Variants in IDS observed in about 807,000 individuals in gnomAD.
The protein encoded by IDS is iduronate 2-sulfatase, also known as alpha-L-iduronate sulfate sulfatase.
In IDS, 1 loss-of-function variant was observed where a neutral mutation model predicts 33.5. That is an observed-to-expected ratio of 0.03 (90% CI 0.01 to 0.14). IDS has a LOEUF of 0.14. Ranked by LOEUF, IDS falls within the 10% of genes least tolerant of loss-of-function variation. IDS has a pLI of 1.00. For missense variants in IDS, 328 were observed against 448.0 expected, an observed-to-expected ratio of 0.73 and a Z score of 2.42; for synonymous variants, 191 against 184.4, an observed-to-expected ratio of 1.04 and a Z score of -0.29.
intron 6 of IDS, chrX:149,491,719 C>A: frequency 1.1e-6 from 1 of 915,804 alleles, no homozygotes; most frequent in African/African-American, 2.0e-5. Flanking sequence ...CAAAGGTATT[C>A]CCTCCTTCCT....
rs1199907455 is a variant in IDS, at chrX:149,479,401, T to C, written c.*3345A>G. On this transcript the variant is annotated 3_prime_UTR_variant, in exon 9 of 9. Coordinates refer to ENST00000340855, the MANE Select transcript of IDS (RefSeq NM_000202.8). ...GTTTTATGTTTTTTATTTGTATGCA[T>C]GTTTACTTTATGTTTCAGTTTACTA... The C allele has an allele frequency of 1.8e-5, 2 of 112,851 alleles. No homozygotes were observed. The highest frequency in any genetic ancestry group is 6.4e-5 in the African/African-American group (2 of 31,056). 9.3% of individuals were successfully genotyped at this position (112,851 alleles called of 1,213,427 possible).
intron 3 of IDS, among the ~76,000 whole-genome samples, chrX:149,501,359 C>T (rs1348017403): frequency 8.9e-6 from 1 of 111,774 alleles, no homozygotes; most frequent in South Asian, 3.7e-4. Flanking sequence ...GGCATCAGCA[C>T]CATCAGGGAG....
Position 149,505,132 on chromosome X carries a change from C to A in IDS, c.6G>T (p.Pro2=). Residue 2 remains proline, a synonymous_variant, in exon 1 of 9, where the codon CCG becomes CCT. Coordinates refer to ENST00000340855, the MANE Select transcript of IDS (RefSeq NM_000202.8). The stretch of plus-strand genomic sequence containing the variant: ...GAAGGCCTCGGCCGGTCCGGGGTGG[C>A]GGCATTTCGGCTTCGACGCGGCCGC... M[P]PPRTGRGLLW... is the part of the protein sequence containing the mutation. The A allele has an allele frequency of 8.4e-7, 1 of 1,188,140 alleles. No homozygotes were observed. The highest frequency in any genetic ancestry group is 1.1e-6 in the Non-Finnish European group (1 of 877,403).
At position 149,487,291 on chromosome X, in the gene IDS, G is replaced by A. The variant is rs149035048; in HGVS notation, c.1007-193C>T. ...CTGAATGCTGCTTTATTCAAAATCA[G>A]GTATTTGTCCTCATGAGGAAACCTT... On this transcript the variant is annotated intron_variant, in intron 7 of 8. Coordinates refer to ENST00000340855, the MANE Select transcript of IDS (RefSeq NM_000202.8). The A allele has an allele frequency of 5.8e-6, 7 of 1,202,507 alleles. No homozygotes were observed. In the Admixed American group the frequency reaches 6.5e-5, roughly 11 times the overall value.
intron 8 of IDS, among the ~76,000 whole-genome samples, chrX:149,484,845 T>C (rs1557337883): frequency 8.9e-6 from 1 of 111,976 alleles, no homozygotes; most frequent in African/African-American, 3.3e-5. Context: ...TTAAGTAAAA[T>C]AAAAAGAAAA....
At chrX:149,493,735 A>G (rs2089412742) in intron 6 of IDS, among the ~76,000 whole-genome samples, 1 of 111,278 alleles carries the variant, frequency 9.0e-6, no homozygotes, top group Admixed American at 9.5e-5. Context: ...TTATTAATAG[A>G]GCCCATTCAG....
In IDS at chrX:149,482,309, A is replaced by G; in HGVS notation, c.*437T>C. ...GATATATTATTAAATTATAAACAAA[A>G]TAATCAGGAACTTAGTGTGGTGCCT... On this transcript the variant is annotated 3_prime_UTR_variant, in exon 9 of 9. Transcript: ENST00000340855. 1 of 130,770 alleles carries G rather than the reference A, an allele frequency of 7.6e-6. No homozygotes were observed. Among genetic ancestry groups the G allele is most frequent in the Non-Finnish European group, 1.6e-5 (1 of 64,294 alleles). 10.8% of individuals were successfully genotyped at this position (130,770 alleles called of 1,213,427 possible).
rs2089340852 is a variant in IDS, at chrX:149,486,934, T to C, written c.1171A>G (p.Met391Val). The C allele has an allele frequency of 2.5e-6, 3 of 1,211,498 alleles. No homozygotes were observed. In the East Asian group the frequency reaches 8.9e-5, roughly 36 times the overall value. Reference protein sequence around the residue: ...LDPFDSASQLMEPGRQSMDLV... With the variant: ...LDPFDSASQLVEPGRQSMDLV... ...TCAGCATATTTTATACCTGGCTCCA[T>C]CAACTGTGAGGCGGAATCAAAAGGG... The change falls in exon 8 of 9, where the codon ATG (methionine) becomes GTG (valine). Residue 391 changes from methionine to valine, a missense_variant. By Grantham distance (21) the Met-to-Val change is conservative. Transcript: ENST00000340855.
At chrX:149,502,162 T>C (rs1557340074) in intron 3 of IDS, 1 of 330,399 alleles carries the variant, frequency 3.0e-6, no homozygotes, top group Admixed American at 3.1e-5. Context: ...AGCTGAAAAA[T>C]GTGTTCCCAC....
In IDS at chrX:149,504,191, G is replaced by C; in HGVS notation, c.206C>G (p.Ser69Cys). The C allele has an allele frequency of 8.3e-7, 1 of 1,209,165 alleles. No homozygotes were observed. The highest frequency in any genetic ancestry group is 1.1e-6 in the Non-Finnish European group (1 of 893,827). ...GGCATTCTGGAAGAGGAGGCTGTGGGATGCCAGTTGGTCAATATTTGGGGA... is the reference window on the plus strand; with the variant it reads ...GGCATTCTGGAAGAGGAGGCTGTGGCATGCCAGTTGGTCAATATTTGGGGA... ...VRSPNIDQLA[S>C]HSLLFQNAFA... Residue 69 changes from serine to cysteine, a missense_variant, in exon 2 of 9, where the codon TCC becomes TGC. This residue lies in a region of IDS where 15 missense variants were observed against 31.3 expected (regional missense o/e 0.48). Coordinates refer to ENST00000340855, the MANE Select transcript of IDS (RefSeq NM_000202.8).
chrX:149,482,949 C>G lies in IDS; in HGVS notation c.1450G>C (p.Asp484His). 8.3e-7 allele frequency: 1 copy of G among 1,211,567 alleles called. No homozygotes were observed. Among genetic ancestry groups the G allele is most frequent in the Non-Finnish European group, 1.1e-6 (1 of 895,359 alleles). The change falls in exon 9 of 9, where the codon GAT becomes CAT. Residue 484 changes from aspartate (D) to histidine (H), a missense_variant. Physicochemically the swap from Asp to His is moderately conservative, Grantham distance 81. This residue lies in a region of IDS where 265 missense variants were observed against 339.2 expected (regional missense o/e 0.78). Transcript: ENST00000340855. ...QWNSDKPSLK[D>H]IKIMGYSIRT... The stretch of plus-strand genomic sequence containing the variant: ...ATGGAATAGCCCATGATCTTTATAT[C>G]TTTTAAACTCGGCTTGTCAGAATTC...
intron 4 of IDS, among the ~76,000 whole-genome samples, chrX:149,498,807 A>G (rs1344554074): frequency 8.9e-6 from 1 of 112,610 alleles, no homozygotes; most frequent in East Asian, 2.8e-4. Context: ...GGATGCAGAA[A>G]AATTAGAACC....
In IDS at chrX:149,479,841, T is replaced by C. The variant is rs2089286293; in HGVS notation, c.*2905A>G. 8.0e-6 allele frequency: 1 copy of C among 125,557 alleles called. No homozygotes were observed. The highest frequency in any genetic ancestry group is 1.6e-5 in the Non-Finnish European group (1 of 62,217). The allele number at this position is 125,557 out of a possible 1,213,427, so 10.3% of individuals were successfully genotyped here. A position where few individuals can be genotyped will look rare whatever the true frequency, so the allele number is the denominator to read the frequency against. On this transcript the variant is annotated 3_prime_UTR_variant, in exon 9 of 9. Coordinates refer to ENST00000340855, the MANE Select transcript of IDS (RefSeq NM_000202.8). ...ATGTATTTGTGCTGCATTTCTAATT[T>C]TTCCGTAACTGACACATCAGTTTTA...
intron 5 of IDS, 86 bp from the exon 6 acceptor site, chrX:149,496,602 T>C: frequency 9.9e-7 from 1 of 1,007,378 alleles, no homozygotes; most frequent in South Asian, 1.9e-5. Flanking sequence ...ATACTGCCTT[T>C]TCTCTAAGCC....
At chrX:149,484,532 G>C (rs1263883702) in intron 8 of IDS, among the ~76,000 whole-genome samples, 1 of 112,556 alleles carries the variant, frequency 8.9e-6, no homozygotes, top group East Asian at 2.8e-4. Flanking sequence ...TTGTTGGCCA[G>C]GATGGTCTTG....
chrX:149,492,141 A>T (rs2089398165), intron 6 of IDS, among the ~76,000 whole-genome samples: 1 of 110,532 alleles, frequency 9.0e-6, no homozygotes, highest in East Asian at 2.8e-4. Flanking sequence ...ATTCTCCCAC[A>T]CTCCCTTGTA....
intron 1 of IDS, 21 bp downstream of exon 1, chrX:149,504,986 AAGGGAGGGAGGAAGGGAGAAGAGATGGC>A: frequency 2.3e-6 from 2 of 883,336 alleles, no homozygotes; most frequent in Non-Finnish European, 3.2e-6. Flanking sequence ...AGGAGGAAGG[AAGGGAGGGAGGAAGGGAGAAGAGATGGC>A]AGGGAGGGCG....
rs113993946 is a variant in IDS, at chrX:149,482,996, C to T, written c.1403G>A (p.Arg468Gln). The T allele has an allele frequency of 8.3e-7, 1 of 1,208,949 alleles. No individual in the cohort carries two copies. The highest frequency in any genetic ancestry group is 1.8e-5 in the African/African-American group (1 of 57,022). ...RELIAYSQYP[R>Q]PSDIPQWNSD... is the part of the protein sequence containing the mutation. ...ATTCCACTGAGGGATGTCTGAAGGC[C>T]GGGGATACTGGCTATAGGCAATCAG... Residue 468 changes from arginine (R) to glutamine (Q), a missense_variant, in exon 9 of 9, where the codon CGG (arginine) becomes CAG (glutamine). By Grantham distance (43) the Arg-to-Gln change is conservative (BLOSUM62 1). Around this residue, in one of 4 missense-constraint regions of IDS, gnomAD observed 265 missense variants for 339.2 expected, o/e 0.78. Coordinates refer to ENST00000340855, the MANE Select transcript of IDS (RefSeq NM_000202.8).
At chrX:149,483,312 T>C in intron 8 of IDS, 94 bp from the exon 9 acceptor site, 1 of 647,079 alleles carries the variant, frequency 1.5e-6, no homozygotes, top group Non-Finnish European at 2.5e-6. Flanking sequence ...GGGCTCCATA[T>C]GTTTTCTTTT....
Sources: gnomAD v4.1 joint callset for allele counts (sites outside exome capture counted in the v4.1 genomes callset) on GRCh38, gnomAD v4.1.1 for gene constraint, gnomAD v4.1.1 regional missense constraint, MANE v1.5 for transcripts, NCBI Gene and HGNC (gene_info 2026-07-23, HGNC 2026-07-21) for gene names.